ADAMTS14: variants seen among roughly 807,000 people sequenced by gnomAD.
ADAMTS14 encodes the protein ADAM metallopeptidase with thrombospondin type 1 motif 14, also known as A disintegrin and metalloproteinase with thrombospondin motifs 14.
Under a neutral mutation model 128.6 loss-of-function variants are expected in ADAMTS14, and 100 were observed. The observed-to-expected ratio is 0.78, with a 90% CI of 0.66 to 0.92. The LOEUF (loss-of-function observed/expected upper bound fraction) is 0.92, where lower values mean the gene tolerates loss of function less well. Ranked by LOEUF, ADAMTS14 falls within the 40% of genes least tolerant of loss-of-function variation. The pLI is 0.00. For missense variants in ADAMTS14, 1,562 were observed against 1,658.6 expected, an observed-to-expected ratio of 0.94 and a Z score of 1.01; for synonymous variants, 665 against 653.8, an observed-to-expected ratio of 1.02 and a Z score of -0.26.
chr10:70,735,167 A>C lies in ADAMTS14; in HGVS notation c.1353-2A>C. 6.2e-7 allele frequency: 1 copy of C among 1,611,000 alleles called. No homozygotes were observed. Among genetic ancestry groups the C allele is most frequent in the Non-Finnish European group, 8.5e-7 (1 of 1,178,040 alleles). On this transcript the variant is annotated splice_acceptor_variant, in intron 8 of 21. Coordinates refer to ENST00000373207, the MANE Select transcript of ADAMTS14 (RefSeq NM_080722.4). LOFTEE classifies it high-confidence loss of function. ...GCTCACCTTCCTTGTCTCTACTGGCAGCTCCTACGACTGCCTCCTCGATGA... is the reference window on the plus strand; with the variant it reads ...GCTCACCTTCCTTGTCTCTACTGGCCGCTCCTACGACTGCCTCCTCGATGA...
At chr10:70,713,346 T>A (rs1223353163) in intron 4 of ADAMTS14, among the ~76,000 whole-genome samples, 1 of 62,670 alleles carries the variant, frequency 1.6e-5, no homozygotes, top group African/African-American at 6.2e-5. Flanking sequence ...TGGGGTGGGG[T>A]GGGGGTCAGG....
At chr10:70,719,826 T>A (rs1173895250) in intron 4 of ADAMTS14, among the ~76,000 whole-genome samples, 2 of 152,186 alleles carry the variant, frequency 1.3e-5, no homozygotes, top group Non-Finnish European at 2.9e-5. Context: ...AAGCTATGTT[T>A]CCTCCACACC....
intron 4 of ADAMTS14, 64 bp downstream of exon 4, chr10:70,708,842 C>A: frequency 7.8e-7 from 1 of 1,277,210 alleles, no homozygotes; most frequent in Non-Finnish European, 1.1e-6. Context: ...CCCCACCCCA[C>A]TGGGCCCCAG....
chr10:70,705,813 C>T (rs1008128867), intron 3 of ADAMTS14, among the ~76,000 whole-genome samples: 1 of 152,190 alleles, frequency 6.6e-6, no homozygotes, highest in African/African-American at 2.4e-5. Flanking sequence ...TATGGGCATG[C>T]CACATTTATT....
intron 18 of ADAMTS14, among the ~76,000 whole-genome samples, chr10:70,752,851 G>T (rs574337053): frequency 2.0e-5 from 3 of 152,180 alleles, no homozygotes; most frequent in Non-Finnish European, 4.4e-5. Context: ...GGTGGGAACC[G>T]GTGGCCAGCG....
At chr10:70,754,496 G>C (rs573867715) in intron 19 of ADAMTS14, among the ~76,000 whole-genome samples, 1 of 152,290 alleles carries the variant, frequency 6.6e-6, no homozygotes, top group African/African-American at 2.4e-5. Context: ...GTGGAGGATG[G>C]AGGGCGGTCA....
chr10:70,674,438 G>A (rs614201), intron 1 of ADAMTS14, 118 bp from the exon 2 acceptor site: 509,469 of 989,518 alleles, frequency 0.51, 136,896 homozygotes, highest in East Asian at 0.85. Flanking sequence ...TCAGGCTAAG[G>A]GGCCCACCTA....
chr10:70,743,838 T>C (rs1490318407), intron 13 of ADAMTS14, among the ~76,000 whole-genome samples, 157 bp downstream of exon 13: 2 of 152,144 alleles, frequency 1.3e-5, no homozygotes, highest in African/African-American at 4.8e-5. Context: ...AAGGGGCTAA[T>C]TATTGCTCAG....
At position 70,689,101 on chromosome 10, in the gene ADAMTS14, T is replaced by C. The variant is rs1840108576; in HGVS notation, c.523-13211T>C. The stretch of plus-strand genomic sequence containing the variant: ...TGTGTTCCACAGCCTGGCCGACTGC[T>C]GGCCTGGGTGCATCGTGCCTTTGAG... On this transcript the variant is annotated intron_variant, in intron 2 of 21. Coordinates refer to ENST00000373207, the MANE Select transcript of ADAMTS14 (RefSeq NM_080722.4). 1.5e-5 allele frequency among the ~76,000 whole-genome samples: 2 copies of C among 134,110 alleles called. 1 individual carries two copies. The highest frequency in any genetic ancestry group is 3.5e-5 in the Non-Finnish European group (2 of 57,348). The allele number at this position is 134,110 out of a possible 152,430, so 88.0% of individuals were successfully genotyped here. A position where few individuals can be genotyped will look rare whatever the true frequency, so the allele number is the denominator to read the frequency against.
chr10:70,717,387 A>C (rs1302147240), intron 4 of ADAMTS14, among the ~76,000 whole-genome samples: 1 of 152,164 alleles, frequency 6.6e-6, no homozygotes, highest in Non-Finnish European at 1.5e-5. Context: ...CAGACAGCAC[A>C]GCAAGGTTGT....
chr10:70,727,967 G>GT (rs1360379058), intron 4 of ADAMTS14, among the ~76,000 whole-genome samples: 2 of 152,154 alleles, frequency 1.3e-5, no homozygotes, highest in Non-Finnish European at 2.9e-5. Flanking sequence ...GTGGTGGCGG[G>GT]TGCCTGTAGT....
intron 4 of ADAMTS14, among the ~76,000 whole-genome samples, chr10:70,709,641 C>T (rs1564531550): frequency 6.6e-6 from 1 of 151,940 alleles, no homozygotes; most frequent in Non-Finnish European, 1.5e-5. Context: ...GCTGGGACTA[C>T]AGGCACCTGC....
intron 4 of ADAMTS14, among the ~76,000 whole-genome samples, chr10:70,728,144 C>T (rs1049544707): frequency 2.0e-5 from 3 of 151,986 alleles, no homozygotes; most frequent in Admixed American, 6.5e-5. Flanking sequence ...CTACCTTGGC[C>T]TCCCAAAGCA....
chr10:70,713,402 C>A (rs1244286952), intron 4 of ADAMTS14, among the ~76,000 whole-genome samples: 2 of 152,186 alleles, frequency 1.3e-5, no homozygotes, highest in Non-Finnish European at 2.9e-5. Context: ...CTAGCTGAAG[C>A]CAAAGAGGGG....
At chr10:70,682,458 C>T (rs1181600291) in intron 2 of ADAMTS14, among the ~76,000 whole-genome samples, 1 of 152,188 alleles carries the variant, frequency 6.6e-6, no homozygotes, top group Non-Finnish European at 1.5e-5. Context: ...ACCCTGGAAC[C>T]AGCCCGCCTG....
chr10:70,746,358 A>G (rs532126569), intron 15 of ADAMTS14, among the ~76,000 whole-genome samples: 4 of 152,330 alleles, frequency 2.6e-5, no homozygotes, highest in East Asian at 3.9e-4. Flanking sequence ...CAAAAAATGG[A>G]CATGTCCAGA....
chr10:70,704,676 C>T (rs113537653), intron 3 of ADAMTS14, among the ~76,000 whole-genome samples: 3,503 of 148,420 alleles, frequency 0.024, 153 homozygotes, highest in African/African-American at 0.081. Flanking sequence ...CACAAACACA[C>T]GCTCACAAAC....
At chr10:70,758,564 A>G (rs1440179856) in intron 21 of ADAMTS14, among the ~76,000 whole-genome samples, 1 of 152,252 alleles carries the variant, frequency 6.6e-6, no homozygotes, top group Non-Finnish European at 1.5e-5. Context: ...CTTTTGATAT[A>G]GAAATTTAGC....
rs145552051 is a variant in ADAMTS14, at chr10:70,751,959, G to A, written c.2597-136G>A. ...AGGAAGGCGTCCCTCAGAAAGTGAC[G>A]TGGGCAGGCGGGGGCATAGGCAGAG... On this transcript the variant is annotated intron_variant, in intron 17 of 21. Transcript: ENST00000373207. The A allele has an allele frequency of 5.4e-4, 704 of 1,307,892 alleles. 1 individual carries two copies. The highest frequency in any genetic ancestry group is 2.7e-4 in the Non-Finnish European group (261 of 969,234). 81.0% of individuals were successfully genotyped at this position (1,307,892 alleles called of 1,614,324 possible).
Sources: gnomAD v4.1 joint callset for allele counts (sites outside exome capture counted in the v4.1 genomes callset) on GRCh38, gnomAD v4.1.1 for gene constraint, MANE v1.5 for transcripts, NCBI Gene and HGNC (gene_info 2026-07-23, HGNC 2026-07-21) for gene names.